The following BMPR2 variants were observed in gnomAD, a reference collection of about 807,000 sequenced individuals.
The protein encoded by BMPR2 is bone morphogenetic protein receptor type 2.
Under a neutral mutation model 100.8 loss-of-function variants are expected in BMPR2, and 29 were observed. The ratio of observed to expected loss-of-function variants is 0.29; its 90% CI spans 0.21 to 0.39. BMPR2 has a LOEUF of 0.39. BMPR2 is among the 10% of genes least tolerant of loss of function. The pLI, the probability that BMPR2 is intolerant of heterozygous loss-of-function variation, is 1.00. For synonymous variants in BMPR2, 382 were observed against 442.3 expected, an observed-to-expected ratio of 0.86 and a Z score of 1.71; for missense variants, 1,011 against 1,274.5, an observed-to-expected ratio of 0.79 and a Z score of 3.15.
rs554878848 is a variant in BMPR2, at chr2:202,438,313, C to CAAAT, written c.77-26472_77-26469dup. ...GGGCAACAAGAGCGAAACTCCGTCT[C>CAAAT]AAATAAATAAATAAATAAATAAATA... On this transcript the variant is annotated intron_variant, in intron 1 of 12. Transcript: ENST00000374580. 7.5e-3 allele frequency among the ~76,000 whole-genome samples: 1,126 copies of CAAAT among 150,206 alleles called. 8 individuals are homozygous for CAAAT. The highest frequency in any genetic ancestry group is 0.012 in the Non-Finnish European group (792 of 67,974).
intron 12 of BMPR2, among the ~76,000 whole-genome samples, chr2:202,559,095 T>C (rs182252045): frequency 9.9e-5 from 15 of 151,840 alleles, no homozygotes; most frequent in African/African-American, 2.7e-4. Flanking sequence ...AGCTCAGGAG[T>C]TTGAGACCAC....
chr2:202,399,767 A>G (rs1690728743), intron 1 of BMPR2, among the ~76,000 whole-genome samples: 1 of 152,112 alleles, frequency 6.6e-6, no homozygotes, highest in Admixed American at 6.5e-5. Flanking sequence ...TTGCAAGCCT[A>G]CTTCTCTAAT....
rs886522210 is a variant in BMPR2 at position 202,551,098 on chromosome 2, T to C, written c.1414-1618T>C. ...CAGCATCCCAAATAGCAGATGTAGA[T>C]ATATACAAGTCTTTGTATAAACATA... is the stretch of plus-strand genomic sequence containing the variant. On this transcript the variant is annotated intron_variant, in intron 10 of 12. Coordinates refer to ENST00000374580, the MANE Select transcript of BMPR2 (RefSeq NM_001204.7). Among the ~76,000 whole-genome samples, 3 of 151,834 alleles carry C rather than the reference T, an allele frequency of 2.0e-5. No individual in the cohort carries two copies. The East Asian group carries it at 5.8e-4, about 29-fold the overall frequency.
intron 3 of BMPR2, among the ~76,000 whole-genome samples, chr2:202,496,952 G>A (rs1028493293): frequency 7.9e-5 from 12 of 152,346 alleles, no homozygotes; most frequent in South Asian, 2.1e-4. Context: ...CCACGCTTGC[G>A]GGCCAGCTGG....
rs1048890299 is a variant in BMPR2 at position 202,436,870 on chromosome 2, T to G, written c.77-27939T>G. Among the ~76,000 whole-genome samples, 4 of 150,706 alleles carry G rather than the reference T, an allele frequency of 2.7e-5. No individual in the cohort carries two copies. The East Asian group carries it at 7.7e-4, about 29-fold the overall frequency. On this transcript the variant is annotated intron_variant, in intron 1 of 12. Coordinates refer to ENST00000374580, the MANE Select transcript of BMPR2 (RefSeq NM_001204.7). ...CATGACTCTAGAATTCTTTACTAGG[T>G]CTTCGCAAAATATTTCGCCTTGCAG...
intron 5 of BMPR2, among the ~76,000 whole-genome samples, chr2:202,517,847 C>G (rs898283828): frequency 6.7e-6 from 1 of 149,412 alleles, no homozygotes; most frequent in African/African-American, 2.5e-5. Flanking sequence ...GAGTCTCACT[C>G]GGTCACCCAG....
In BMPR2 at chr2:202,510,658, G is replaced by T. The variant is rs577899146; in HGVS notation, c.419-3061G>T. 1.3e-3 allele frequency among the ~76,000 whole-genome samples: 191 copies of T among 151,604 alleles called. 1 individual carries two copies. Among genetic ancestry groups the T allele is most frequent in the African/African-American group, 1.8e-3 (75 of 41,266 alleles). Reference sequence around the variant, plus strand: ...TAGGTTTAGCAAATTCTAAAATGAGGTTTTTTTTGTTTTTTTTTGTTTATT... The same window carrying T: ...TAGGTTTAGCAAATTCTAAAATGAGTTTTTTTTTGTTTTTTTTTGTTTATT... On this transcript the variant is annotated intron_variant, in intron 3 of 12. Coordinates refer to ENST00000374580, the MANE Select transcript of BMPR2 (RefSeq NM_001204.7).
intron 1 of BMPR2, among the ~76,000 whole-genome samples, chr2:202,426,338 T>G (rs112054978): frequency 2.0e-5 from 3 of 151,986 alleles, no homozygotes; most frequent in East Asian, 3.9e-4. Flanking sequence ...CCCAGCACTT[T>G]GGGAGGTCAT....
intron 3 of BMPR2, among the ~76,000 whole-genome samples, chr2:202,500,000 A>G (rs1687346065): frequency 6.6e-6 from 1 of 152,188 alleles, no homozygotes; most frequent in South Asian, 2.1e-4. Flanking sequence ...CATGTCCACT[A>G]TGCCGAGGCA....
chr2:202,512,535 T>C (rs536525061), intron 3 of BMPR2, among the ~76,000 whole-genome samples: 92 of 152,356 alleles, frequency 6.0e-4, no homozygotes, highest in Non-Finnish European at 1.2e-3. Flanking sequence ...TTCTTTTTTT[T>C]CCTCATCAGA....
intron 3 of BMPR2, among the ~76,000 whole-genome samples, chr2:202,512,028 AAAAG>A (rs1482501109): frequency 4.0e-4 from 61 of 152,138 alleles, no homozygotes; most frequent in Admixed American, 6.5e-4. Flanking sequence ...TAAAAAAAAA[AAAAG>A]AAAGAAAGAA....
intron 1 of BMPR2, among the ~76,000 whole-genome samples, chr2:202,443,316 T>C (rs1691783233): frequency 6.6e-6 from 1 of 150,796 alleles, no homozygotes; most frequent in South Asian, 2.1e-4. Context: ...AACTGTATTC[T>C]ATTTATACCC....
At chr2:202,557,464 A>AACACACACACAC (rs138065331) in intron 12 of BMPR2, among the ~76,000 whole-genome samples, 36 of 125,444 alleles carry the variant, frequency 2.9e-4, no homozygotes, top group African/African-American at 7.3e-4. Flanking sequence ...CTCTGTCTCA[A>AACACACACACAC]ACACACACAC....
chr2:202,513,656 G>T, intron 3 of BMPR2, 63 bp from the exon 4 acceptor site: 2 of 1,216,698 alleles, frequency 1.6e-6, no homozygotes, highest in Non-Finnish European at 2.4e-6. Flanking sequence ...AGGGCAGTCT[G>T]TCAGTATTTA....
chr2:202,500,843 T>G lies in BMPR2; in HGVS notation c.419-12876T>G, dbSNP rs575124070. ...CACGGTTCTGGACCTCAAGGATGCC[T>G]TCTTCTGTATTCCCCTGCACTCTGA... On this transcript the variant is annotated intron_variant, in intron 3 of 12. Transcript: ENST00000374580. Among the ~76,000 whole-genome samples, 485 of 152,320 alleles carry G rather than the reference T, an allele frequency of 3.2e-3. 2 individuals are homozygous for G. The highest frequency in any genetic ancestry group is 0.011 in the African/African-American group (470 of 41,562).
chr2:202,526,379 C>A (rs1382305875), intron 7 of BMPR2, among the ~76,000 whole-genome samples: 2 of 152,264 alleles, frequency 1.3e-5, no homozygotes, highest in Middle Eastern at 3.4e-3. Context: ...TATCAGTTTT[C>A]TTAGATCTTT....
intron 3 of BMPR2, among the ~76,000 whole-genome samples, chr2:202,508,179 G>A (rs760217813): frequency 2.7e-5 from 4 of 150,190 alleles, no homozygotes; most frequent in Non-Finnish European, 4.4e-5. Context: ...TGCAACCTTC[G>A]CCTCCTAGGT....
rs1690170072 is a variant in BMPR2 at position 202,377,298 on chromosome 2, A to G, written c.-177A>G. On this transcript the variant is annotated 5_prime_UTR_variant, in exon 1 of 13. Coordinates refer to ENST00000374580, the MANE Select transcript of BMPR2 (RefSeq NM_001204.7). ...GGAGAGAAATGAAGGGAATTTCTGC[A>G]GCGGCATGAAAGCTCTGCAGCTAGG... is the stretch of plus-strand genomic sequence containing the variant. 2 of 682,546 alleles carry G rather than the reference A, an allele frequency of 2.9e-6. No individual in the cohort carries two copies. The highest frequency in any genetic ancestry group is 3.3e-5 in the South Asian group (2 of 60,770). 42.3% of individuals were successfully genotyped at this position (682,546 alleles called of 1,614,324 possible).
chr2:202,531,084 C>G (rs1688015899), intron 8 of BMPR2, 130 bp downstream of exon 8: 1 of 1,095,232 alleles, frequency 9.1e-7, no homozygotes, highest in Non-Finnish European at 1.3e-6. Flanking sequence ...GGGTGGATCA[C>G]CTAAGGTAAA....
Sources: allele counts gnomAD v4.1 joint callset (sites outside exome capture counted in the v4.1 genomes callset), GRCh38; gene constraint gnomAD v4.1.1; transcripts MANE v1.5; gene names NCBI Gene and HGNC (gene_info 2026-07-23, HGNC 2026-07-21).